NGEF: variants seen among roughly 807,000 people sequenced by gnomAD.
NGEF encodes the protein ephexin-1.
A neutral mutation model predicts 80.9 loss-of-function variants in NGEF; 31 were observed. The observed-to-expected ratio is 0.38, with a 90% CI of 0.29 to 0.52. NGEF has a LOEUF of 0.52. Among genes scored for constraint, NGEF ranks in the 20% least tolerant of loss-of-function variants. The probability of loss-of-function intolerance (pLI) is 0.84; values close to 1 mark genes in which losing one functional copy is unlikely to be tolerated. For missense variants in NGEF, 709 were observed against 926.2 expected (o/e 0.77, Z 3.04); for synonymous variants, 371 against 370.2 (o/e 1.00, Z -0.03).
At chr2:232,947,613 T>A (rs1417910847) in intron 3 of NGEF, among the ~76,000 whole-genome samples, 1 of 152,232 alleles carries the variant, frequency 6.6e-6, no homozygotes, top group Non-Finnish European at 1.5e-5. Context: ...CTGCTTCGCC[T>A]TCTGCCATAA....
chr2:232,879,329 C>G lies in NGEF; in HGVS notation c.*160G>C. 1.5e-6 allele frequency: 1 copy of G among 671,846 alleles called. No individual in the cohort carries two copies. Among genetic ancestry groups the G allele is most frequent in the Non-Finnish European group, 2.5e-6 (1 of 398,876 alleles). The allele number at this position is 671,846 out of a possible 1,614,324, so 41.6% of individuals were successfully genotyped here. ...AGTTTGCGAGCAAGGGGCCAAGACA[C>G]ATGAGCACTCACTGCGTGGGCAGGG... On this transcript the variant is annotated 3_prime_UTR_variant, in exon 15 of 15. Coordinates refer to ENST00000264051, the MANE Select transcript of NGEF (RefSeq NM_019850.3).
At chr2:233,005,761 G>C (rs752629931) in intron 1 of NGEF, among the ~76,000 whole-genome samples, 2 of 152,164 alleles carry the variant, frequency 1.3e-5, no homozygotes, top group Non-Finnish European at 1.5e-5. Flanking sequence ...CCCAGTGAGA[G>C]CCATGTTGGG....
rs1390433985 is a variant in NGEF, at chr2:232,892,483, G to A, written c.1142+415C>T. 6.6e-6 allele frequency among the ~76,000 whole-genome samples: 1 copy of A among 152,148 alleles called. No homozygotes were observed. Among genetic ancestry groups the A allele is most frequent in the Non-Finnish European group, 1.5e-5 (1 of 68,024 alleles). The stretch of plus-strand genomic sequence containing the variant: ...AATCAATGCCCCGGCGCTGCTGGAG[G>A]AGCCCCACCGAGGCTCCTTCCCATC... On this transcript the variant is annotated intron_variant, in intron 7 of 14. Transcript: ENST00000264051. This position sits in a 1 kb window ranked among gnomAD's most constrained non-coding sequence, Gnocchi z 4.0.
intron 5 of NGEF, among the ~76,000 whole-genome samples, chr2:232,906,932 T>C (rs941951596): frequency 6.6e-6 from 1 of 151,112 alleles, no homozygotes; most frequent in Non-Finnish European, 1.5e-5. Context: ...CAGGGTTAAA[T>C]GGATTAAGGG....
At chr2:232,946,032 A>G (rs1693550213) in intron 3 of NGEF, among the ~76,000 whole-genome samples, 1 of 148,544 alleles carries the variant, frequency 6.7e-6, no homozygotes, top group South Asian at 2.2e-4. Flanking sequence ...ATATATCTAT[A>G]TGCAATATAG....
intron 1 of NGEF, among the ~76,000 whole-genome samples, chr2:232,979,246 A>T (rs2106326722): frequency 6.6e-6 from 1 of 152,064 alleles, no homozygotes; most frequent in East Asian, 1.9e-4. Context: ...GGGTCCTTAG[A>T]GGGATGTTCA....
At chr2:232,981,834 T>C (rs907676951) in intron 1 of NGEF, among the ~76,000 whole-genome samples, 1 of 152,218 alleles carries the variant, frequency 6.6e-6, no homozygotes, top group East Asian at 1.9e-4. Context: ...CTTAATAAAT[T>C]GGCTCTGTCT....
intron 3 of NGEF, among the ~76,000 whole-genome samples, chr2:232,959,736 T>G (rs1418802554): frequency 6.6e-6 from 1 of 152,092 alleles, no homozygotes; most frequent in Non-Finnish European, 1.5e-5. Flanking sequence ...CGCGCCACCA[T>G]GCCTGGCTAA....
Position 232,920,516 on chromosome 2 carries a change from G to A in NGEF, c.596C>T (p.Ala199Val). 8 of 1,580,636 alleles carry A rather than the reference G, an allele frequency of 5.1e-6. No individual in the cohort carries two copies. The highest frequency in any genetic ancestry group is 1.2e-5 in the South Asian group (1 of 86,930). Residue 199 changes from alanine to valine, a missense_variant, in exon 5 of 15, where the codon GCA becomes GTA. By Grantham distance (64) the Ala-to-Val change is moderately conservative. This residue lies in a region of NGEF where 283 missense variants were observed against 303.4 expected (regional missense o/e 0.93). Transcript: ENST00000264051. The part of the protein sequence containing the change: ...QEIETRRQQD[A>V]EIEDNTNGSP... ...CCCATTGGTATTGTCTTCTATTTCT[G>A]CATCCTGTTGCCTCCTGGTTTCGAT... is the stretch of plus-strand genomic sequence containing the variant.
At chr2:232,943,651 A>C in intron 3 of NGEF, among the ~76,000 whole-genome samples, 1 of 151,312 alleles carries the variant, frequency 6.6e-6, no homozygotes, top group African/African-American at 2.4e-5. Context: ...GCCCGCCACT[A>C]GACCCGACTA....
At position 232,884,143 on chromosome 2, in the gene NGEF, G is replaced by A. The variant is rs776211256; in HGVS notation, c.1439C>T (p.Ser480Leu). Residue 480 changes from serine to leucine, a missense_variant and splice_region_variant, in exon 11 of 15, where the codon TCG becomes TTG. Around this residue, in one of 2 missense-constraint regions of NGEF, gnomAD observed 426 missense variants for 622.9 expected, o/e 0.68. Transcript: ENST00000264051. ...IQKKMEFKIK[S>L]VPIISHSRWL... is the part of the protein sequence containing the mutation. ...GCGGGAGTGGGAGATGATGGGCACC[G>A]ACTGCAGCGGGGAAAGGGCATCAGG... 6 of 1,592,826 alleles carry A rather than the reference G, an allele frequency of 3.8e-6. No homozygotes were observed. Among genetic ancestry groups the A allele is most frequent in the Admixed American group, 1.7e-5 (1 of 58,628 alleles).
chr2:233,005,529 C>T (rs989169264), intron 1 of NGEF, among the ~76,000 whole-genome samples: 1 of 152,170 alleles, frequency 6.6e-6, no homozygotes, highest in Non-Finnish European at 1.5e-5. Flanking sequence ...GGAGATTATC[C>T]CAGATTACTC....
intron 5 of NGEF, chr2:232,901,530 CATCT>C: frequency 1.3e-6 from 1 of 793,682 alleles, no homozygotes; most frequent in Non-Finnish European, 1.5e-6. Flanking sequence ...ACCAGGGTGA[CATCT>C]GCGGGGGTCG....
chr2:232,947,981 G>T (rs1693595353), intron 3 of NGEF, among the ~76,000 whole-genome samples: 2 of 152,124 alleles, frequency 1.3e-5, no homozygotes, highest in Non-Finnish European at 2.9e-5. Flanking sequence ...GTGATATTTT[G>T]TTACCTATGT....
chr2:232,966,104 GC>G (rs758841335), intron 3 of NGEF, among the ~76,000 whole-genome samples: 156 of 152,284 alleles, frequency 1.0e-3, no homozygotes, highest in Non-Finnish European at 1.3e-3. Context: ...CTGACTGTCT[GC>G]TTCTCCCTCT....
At chr2:233,007,062 G>A (rs1695099354) in intron 1 of NGEF, among the ~76,000 whole-genome samples, 1 of 152,066 alleles carries the variant, frequency 6.6e-6, no homozygotes, top group South Asian at 2.1e-4. Flanking sequence ...TGGTCAACAT[G>A]GAGAAACCCC....
intron 5 of NGEF, among the ~76,000 whole-genome samples, chr2:232,902,967 A>G (rs1416428778): frequency 2.0e-5 from 3 of 151,988 alleles, no homozygotes; most frequent in Non-Finnish European, 4.4e-5. Flanking sequence ...GCACTCCAGC[A>G]TAAGTGACAG....
intron 5 of NGEF, among the ~76,000 whole-genome samples, chr2:232,900,484 ACAGT>A (rs1205407072): frequency 5.1e-5 from 5 of 98,740 alleles, no homozygotes; most frequent in African/African-American, 1.6e-4. Flanking sequence ...ACACGCTCTC[ACAGT>A]CACTCATATA....
At position 232,882,063 on chromosome 2, in the gene NGEF, C is replaced by T. The variant is rs2106209750; in HGVS notation, c.1837+123G>A. Reference sequence around the variant, plus strand: ...AGGAAGCAGCCCCTGGAGGCCCGTGCAGGCCTCTGAGACCACCAGCTCAGG... The same window carrying T: ...AGGAAGCAGCCCCTGGAGGCCCGTGTAGGCCTCTGAGACCACCAGCTCAGG... On this transcript the variant is annotated intron_variant, in intron 13 of 14. Transcript: ENST00000264051. 6 of 837,648 alleles carry T rather than the reference C, an allele frequency of 7.2e-6. No individual in the cohort carries two copies. The South Asian group carries it at 7.8e-5, about 11-fold the overall frequency. 51.9% of individuals were successfully genotyped at this position (837,648 alleles called of 1,614,324 possible). A position where few individuals can be genotyped will look rare whatever the true frequency, so the allele number is the denominator to read the frequency against.
Sources: allele counts gnomAD v4.1 joint callset (sites outside exome capture counted in the v4.1 genomes callset), GRCh38; gene constraint gnomAD v4.1.1; regional missense constraint gnomAD v4.1.1; non-coding constraint Gnocchi (gnomAD v3.1); transcripts MANE v1.5; gene names NCBI Gene and HGNC (gene_info 2026-07-23, HGNC 2026-07-21).